Variants in SLC24A4 observed in about 807,000 individuals in gnomAD.
SLC24A4 encodes the protein solute carrier family 24 member 4.
Under a neutral mutation model 79.0 loss-of-function variants are expected in SLC24A4, and 53 were observed. The observed-to-expected ratio is 0.67, with a 90% CI of 0.54 to 0.84. SLC24A4 has a LOEUF of 0.84. SLC24A4 is among the 40% of genes least tolerant of loss of function. The pLI is 0.00. For missense variants in SLC24A4, 731 were observed against 822.0 expected, an observed-to-expected ratio of 0.89 and a Z score of 1.35; for synonymous variants, 323 against 323.8, an observed-to-expected ratio of 1.00 and a Z score of 0.03.
chr14:92,465,229 G>A (rs1196491748), intron 12 of SLC24A4, among the ~76,000 whole-genome samples: 1 of 152,178 alleles, frequency 6.6e-6, no homozygotes. Context: ...TCCTTGAAGT[G>A]GGTGGGCCGG....
intron 8 of SLC24A4, among the ~76,000 whole-genome samples, chr14:92,446,099 G>T (rs1406316212): frequency 6.6e-6 from 1 of 152,152 alleles, no homozygotes; most frequent in Non-Finnish European, 1.5e-5. Flanking sequence ...TTGATAGCAT[G>T]GGAATGCATC....
intron 2 of SLC24A4, among the ~76,000 whole-genome samples, chr14:92,374,307 A>G (rs1350735265): frequency 1.3e-5 from 2 of 152,230 alleles, no homozygotes; most frequent in South Asian, 2.1e-4. Flanking sequence ...CGAGAAGACC[A>G]AGGCTCAGAC....
At chr14:92,421,341 A>G (rs1458682333) in intron 2 of SLC24A4, among the ~76,000 whole-genome samples, 1 of 152,128 alleles carries the variant, frequency 6.6e-6, no homozygotes, top group Non-Finnish European at 1.5e-5. Context: ...GGGCATTTTC[A>G]TCACCCTAGA....
chr14:92,338,798 G>A (rs1404771098), intron 2 of SLC24A4, among the ~76,000 whole-genome samples: 2 of 152,248 alleles, frequency 1.3e-5, no homozygotes, highest in Non-Finnish European at 2.9e-5. Flanking sequence ...CTTGGGTTTA[G>A]CTCATGGCAG....
chr14:92,373,263 C>T (rs1304303416), intron 2 of SLC24A4, among the ~76,000 whole-genome samples: 6 of 151,988 alleles, frequency 3.9e-5, no homozygotes, highest in African/African-American at 7.2e-5. Context: ...AGGCTGGTCT[C>T]GAACTCCTGG....
intron 2 of SLC24A4, among the ~76,000 whole-genome samples, chr14:92,375,415 A>G (rs768677925): frequency 1.2e-4 from 19 of 152,260 alleles, no homozygotes; most frequent in Non-Finnish European, 2.6e-4. Flanking sequence ...TAAGCTAAAC[A>G]TGGAATTACC....
intron 12 of SLC24A4, among the ~76,000 whole-genome samples, chr14:92,471,598 A>G (rs887017982): frequency 6.6e-6 from 1 of 152,128 alleles, no homozygotes; most frequent in African/African-American, 2.4e-5. Context: ...ACCCCATAAT[A>G]CCAGGAGGTC....
At chr14:92,456,782 C>T (rs1292996190) in intron 12 of SLC24A4, among the ~76,000 whole-genome samples, 174 bp downstream of exon 12, 1 of 152,194 alleles carries the variant, frequency 6.6e-6, no homozygotes, top group African/African-American at 2.4e-5. Context: ...CAGTACTGAA[C>T]TGTGGGTTAG....
chr14:92,330,952 G>A (rs1266816240), intron 2 of SLC24A4, among the ~76,000 whole-genome samples: 1 of 152,180 alleles, frequency 6.6e-6, no homozygotes, highest in African/African-American at 2.4e-5. Flanking sequence ...CACATCTCCT[G>A]GGGTATTTGA....
At chr14:92,389,737 C>T (rs1232392577) in intron 2 of SLC24A4, among the ~76,000 whole-genome samples, 2 of 152,216 alleles carry the variant, frequency 1.3e-5, no homozygotes, top group Admixed American at 6.5e-5. Context: ...TTCCCCCATT[C>T]TCCACCCTTT....
chr14:92,493,496 C>T lies in SLC24A4; in HGVS notation c.1737C>T (p.Asn579=), dbSNP rs1895812134. 6.2e-7 allele frequency: 1 copy of T among 1,614,128 alleles called. No individual in the cohort carries two copies. Among genetic ancestry groups the T allele is most frequent in the Non-Finnish European group, 8.5e-7 (1 of 1,180,040 alleles). Residue 579 remains asparagine (N), a synonymous_variant, in exon 17 of 17, where the codon AAC becomes AAT. Coordinates refer to ENST00000532405, the MANE Select transcript of SLC24A4 (RefSeq NM_153646.4). ...VALTVLGIHL[N]KWRLDRKLGV... is the part of the protein sequence containing the mutation. ...CCCAGGTCCTCGGCATCCACCTAAA[C>T]AAGTGGCGACTGGACCGGAAGCTGG... is the stretch of plus-strand genomic sequence containing the variant.
chr14:92,402,471 A>G (rs1890165085), intron 2 of SLC24A4, among the ~76,000 whole-genome samples: 1 of 152,196 alleles, frequency 6.6e-6, no homozygotes, highest in South Asian at 2.1e-4. Context: ...AGCTGCTTCA[A>G]GACCATTCTG....
chr14:92,489,305 G>A (rs1895545266), intron 14 of SLC24A4, among the ~76,000 whole-genome samples: 1 of 152,064 alleles, frequency 6.6e-6, no homozygotes, highest in Admixed American at 6.5e-5. Context: ...CAGGCGTGGT[G>A]GTGCACACCT....
chr14:92,395,458 C>CAG (rs1889717809), intron 2 of SLC24A4, among the ~76,000 whole-genome samples: 1 of 151,908 alleles, frequency 6.6e-6, no homozygotes, highest in African/African-American at 2.4e-5. Flanking sequence ...CACACACACA[C>CAG]ACACACACGA....
rs2139969621 is a variant in SLC24A4, at chr14:92,500,373, T to C, written c.*6745T>C. On this transcript the variant is annotated 3_prime_UTR_variant, in exon 17 of 17. Transcript: ENST00000532405. ...ACAACAGAGCCTTCTTTGCTGTCAC[T>C]CCAGAATTCTCTACACAGAATTTCC... 6.6e-6 allele frequency: 1 copy of C among 152,338 alleles called. No homozygotes were observed. Among genetic ancestry groups the C allele is most frequent in the Middle Eastern group, 3.4e-3 (1 of 294 alleles). 9.4% of individuals were successfully genotyped at this position (152,338 alleles called of 1,614,324 possible). A position where few individuals can be genotyped will look rare whatever the true frequency, so the allele number is the denominator to read the frequency against.
At chr14:92,426,197 A>G (rs1356460424) in intron 2 of SLC24A4, among the ~76,000 whole-genome samples, 1 of 152,124 alleles carries the variant, frequency 6.6e-6, no homozygotes, top group Non-Finnish European at 1.5e-5. Context: ...GGTAATAAAT[A>G]AAGAAGGTTT....
chr14:92,383,975 A>G (rs1036866317), intron 2 of SLC24A4, among the ~76,000 whole-genome samples: 3 of 152,232 alleles, frequency 2.0e-5, no homozygotes, highest in Non-Finnish European at 2.9e-5. Context: ...CTGAAATGTA[A>G]GACAGAATTA....
At chr14:92,378,259 G>A (rs915801805) in intron 2 of SLC24A4, among the ~76,000 whole-genome samples, 2 of 152,098 alleles carry the variant, frequency 1.3e-5, no homozygotes, top group African/African-American at 4.8e-5. Flanking sequence ...ATCCTTGTCC[G>A]TGCCTTCTGA....
intron 12 of SLC24A4, among the ~76,000 whole-genome samples, chr14:92,464,929 C>A (rs1375671463): frequency 6.6e-6 from 1 of 152,228 alleles, no homozygotes; most frequent in Non-Finnish European, 1.5e-5. Flanking sequence ...AAGGCCCCAG[C>A]CAACAACTAC....
Sources: gnomAD v4.1 joint callset for allele counts (sites outside exome capture counted in the v4.1 genomes callset) on GRCh38, gnomAD v4.1.1 for gene constraint, MANE v1.5 for transcripts, NCBI Gene and HGNC (gene_info 2026-07-23, HGNC 2026-07-21) for gene names.